TIMP2: variants seen among roughly 807,000 people sequenced by gnomAD.
TIMP2 encodes TIMP metallopeptidase inhibitor 2.
Under a neutral mutation model 24.3 loss-of-function variants are expected in TIMP2, and 5 were observed. That is an observed-to-expected ratio of 0.21 (90% CI 0.11 to 0.43). The LOEUF is 0.43. TIMP2 is among the 20% of genes least tolerant of loss of function. The pLI is 1.00. For missense variants in TIMP2, 221 were observed against 297.5 expected (o/e 0.74, Z 1.89); for synonymous variants, 130 against 123.2 (o/e 1.06, Z -0.37).
chr17:78,923,997 T>C (rs73999325), intron 1 of TIMP2, among the ~76,000 whole-genome samples: 3,142 of 152,202 alleles, frequency 0.021, 92 homozygotes, highest in African/African-American at 0.072. Flanking sequence ...CCACCTGCCG[T>C]GTAGCCAGAC....
chr17:78,883,870 G>A (rs2069801169), intron 1 of TIMP2, among the ~76,000 whole-genome samples: 1 of 152,200 alleles, frequency 6.6e-6, no homozygotes, highest in South Asian at 2.1e-4. Context: ...GGACCTCGGG[G>A]CCCACGTCCC....
rs2070010426 is a variant in TIMP2, at chr17:78,896,896, G to T, written c.131-22977C>A. The T allele has an allele frequency of 1.0e-6, 1 of 984,542 alleles. No homozygotes were observed. Among genetic ancestry groups the T allele is most frequent in the African/African-American group, 1.7e-5 (1 of 57,180 alleles). The allele number at this position is 984,542 out of a possible 1,614,324, so 61.0% of individuals were successfully genotyped here. ...CAGACCGATCCGATCCCAGCACCTG[G>T]GCCCAGGAATGTGCTTGGCCACCAG... is the stretch of plus-strand genomic sequence containing the variant. On this transcript the variant is annotated intron_variant, in intron 1 of 4. Coordinates refer to ENST00000262768, the MANE Select transcript of TIMP2 (RefSeq NM_003255.5). The surrounding 1 kb of genome is among the most constrained non-coding windows in gnomAD (Gnocchi z 4.4).
At chr17:78,904,561 T>C (rs1422090431) in intron 1 of TIMP2, 2 of 152,160 alleles carry the variant, frequency 1.3e-5, no homozygotes, top group Non-Finnish European at 2.9e-5. Flanking sequence ...CCTGCAGGAA[T>C]GTTCTCGATC....
intron 1 of TIMP2, among the ~76,000 whole-genome samples, chr17:78,879,836 C>A (rs1382415945): frequency 6.6e-6 from 1 of 152,094 alleles, no homozygotes; most frequent in African/African-American, 2.4e-5. Flanking sequence ...TCCCCACCCC[C>A]ACCCCTCCAG....
intron 1 of TIMP2, among the ~76,000 whole-genome samples, chr17:78,885,089 C>T (rs1379332425): frequency 2.0e-5 from 3 of 152,232 alleles, no homozygotes; most frequent in Non-Finnish European, 4.4e-5. Flanking sequence ...GCACAAGCAA[C>T]GCTGCTGCTC....
intron 1 of TIMP2, among the ~76,000 whole-genome samples, chr17:78,886,868 G>A (rs2069829653): frequency 6.6e-6 from 1 of 152,158 alleles, no homozygotes; most frequent in East Asian, 1.9e-4. Context: ...GGAACTATAG[G>A]TGCACGCCAG....
Position 78,924,393 on chromosome 17 carries a change from T to G in TIMP2, c.130+566A>C, listed in dbSNP as rs1167179295. Among the ~76,000 whole-genome samples the G allele has an allele frequency of 6.6e-6, 1 of 152,172 alleles. No individual in the cohort carries two copies. Among genetic ancestry groups the G allele is most frequent in the Non-Finnish European group, 1.5e-5 (1 of 68,032 alleles). ...GCCACGCCAGGAGACGCCACCGGCT[T>G]TTTCACCTGCCCCTCTGGGCCTGTG... On this transcript the variant is annotated intron_variant, in intron 1 of 4. Coordinates refer to ENST00000262768, the MANE Select transcript of TIMP2 (RefSeq NM_003255.5). This position sits in a 1 kb window ranked among gnomAD's most constrained non-coding sequence, Gnocchi z 5.3.
At chr17:78,861,657 C>G (rs1200105991) in intron 3 of TIMP2, among the ~76,000 whole-genome samples, 2 of 150,058 alleles carry the variant, frequency 1.3e-5, no homozygotes, top group Admixed American at 1.3e-4. Context: ...GGCTGGAGTG[C>G]AGCGGTGCCA....
chr17:78,858,428 G>A (rs1214721141), intron 3 of TIMP2, among the ~76,000 whole-genome samples: 4 of 151,484 alleles, frequency 2.6e-5, no homozygotes, highest in African/African-American at 4.9e-5. Flanking sequence ...GGGCCTGGGC[G>A]ACAGAGCGAG....
At chr17:78,887,154 G>GTT (rs1188825177) in intron 1 of TIMP2, among the ~76,000 whole-genome samples, 2 of 152,190 alleles carry the variant, frequency 1.3e-5, no homozygotes, top group African/African-American at 4.8e-5. Flanking sequence ...CCAAATGAGC[G>GTT]TAACGCTTGT....
intron 3 of TIMP2, among the ~76,000 whole-genome samples, chr17:78,865,758 C>G (rs9893955): frequency 6.6e-6 from 1 of 152,048 alleles, no homozygotes; most frequent in Admixed American, 6.6e-5. Context: ...TGCCACTGCA[C>G]TCCAGCCTGG....
intron 3 of TIMP2, among the ~76,000 whole-genome samples, chr17:78,861,579 G>T (rs2069567281): frequency 6.6e-6 from 1 of 152,030 alleles, no homozygotes; most frequent in South Asian, 2.1e-4. Flanking sequence ...GCAGGAAGAA[G>T]AGATGAAGTG....
At chr17:78,903,366 C>T (rs2070125455) in intron 1 of TIMP2, 1 of 152,342 alleles carries the variant, frequency 6.6e-6, no homozygotes, top group Non-Finnish European at 1.5e-5. Flanking sequence ...CACCTGAAGG[C>T]ACTGTTTAAG....
intron 1 of TIMP2, among the ~76,000 whole-genome samples, chr17:78,894,201 C>T (rs7215038): frequency 0.089 from 13,600 of 152,002 alleles, 1,846 homozygotes; most frequent in African/African-American, 0.3. Flanking sequence ...CTACCCCCCC[C>T]GGTTCACAGA....
intron 1 of TIMP2, among the ~76,000 whole-genome samples, chr17:78,877,621 G>A (rs2145758057): frequency 6.6e-6 from 1 of 152,152 alleles, no homozygotes; most frequent in South Asian, 2.1e-4. Flanking sequence ...GTTCCAGTAG[G>A]AGCAGCAAGC....
At chr17:78,889,059 C>T (rs895808598) in intron 1 of TIMP2, among the ~76,000 whole-genome samples, 1 of 152,214 alleles carries the variant, frequency 6.6e-6, no homozygotes, top group African/African-American at 2.4e-5. Context: ...TGTAGAGTCT[C>T]ATTGGAACCT....
chr17:78,880,111 G>A (rs1250173138), intron 1 of TIMP2, among the ~76,000 whole-genome samples: 2 of 152,140 alleles, frequency 1.3e-5, no homozygotes, highest in Non-Finnish European at 2.9e-5. Context: ...ATGTGCCAGG[G>A]CCAAGGGCTG....
At chr17:78,873,978 G>C in intron 1 of TIMP2, 59 bp from the exon 2 acceptor site, 3 of 1,527,850 alleles carry the variant, frequency 2.0e-6, no homozygotes, top group Non-Finnish European at 2.7e-6. Context: ...CTGGGGCTAA[G>C]GAGAGGGATA....
At chr17:78,882,955 G>A (rs966271534) in intron 1 of TIMP2, among the ~76,000 whole-genome samples, 2 of 152,244 alleles carry the variant, frequency 1.3e-5, no homozygotes, top group Admixed American at 6.5e-5. Context: ...GCCCCTTCAT[G>A]CCAGCCCCTT....
Sources: gnomAD v4.1 joint callset for allele counts (sites outside exome capture counted in the v4.1 genomes callset) on GRCh38, gnomAD v4.1.1 for gene constraint, Gnocchi (gnomAD v3.1) non-coding constraint, MANE v1.5 for transcripts, NCBI Gene and HGNC (gene_info 2026-07-23, HGNC 2026-07-21) for gene names.